LRRC7: variants seen among roughly 807,000 people sequenced by gnomAD.
LRRC7 encodes the protein leucine-rich repeat-containing protein 7.
A neutral mutation model predicts 175.7 loss-of-function variants in LRRC7; 23 were observed. The observed-to-expected ratio is 0.13, with a 90% CI of 0.09 to 0.19. The LOEUF (loss-of-function observed/expected upper bound fraction) is 0.19, where lower values mean the gene tolerates loss of function less well. Ranked by LOEUF, LRRC7 falls within the 10% of genes least tolerant of loss-of-function variation. The probability of loss-of-function intolerance (pLI) is 1.00; values close to 1 mark genes in which losing one functional copy is unlikely to be tolerated. For synonymous variants in LRRC7, 685 were observed against 680.9 expected, an observed-to-expected ratio of 1.01 and a Z score of -0.09; for missense variants, 1,354 against 1,904.7, an observed-to-expected ratio of 0.71 and a Z score of 5.38.
Position 69,752,330 on chromosome 1 carries a change from C to T in LRRC7, c.101-7861C>T, listed in dbSNP as rs572207488. ...TTTGAAAAATGCAAGACTGTGCCAA[C>T]TAATGAGGACAGCCAGGATATTTGT... On this transcript the variant is annotated intron_variant, in intron 2 of 26. Coordinates refer to ENST00000651989, the MANE Select transcript of LRRC7 (RefSeq NM_001370785.2). Among the ~76,000 whole-genome samples the T allele has an allele frequency of 2.0e-5, 3 of 152,210 alleles. No individual in the cohort carries two copies. In the South Asian group the frequency reaches 6.2e-4, roughly 32 times the overall value.
At chr1:69,896,409 C>G (rs992475483) in intron 7 of LRRC7, among the ~76,000 whole-genome samples, 3 of 152,116 alleles carry the variant, frequency 2.0e-5, no homozygotes, top group Non-Finnish European at 4.4e-5. Flanking sequence ...TTCTATCAAA[C>G]TATATATTTG....
intron 2 of LRRC7, among the ~76,000 whole-genome samples, chr1:69,719,839 G>T (rs1666160379): frequency 6.6e-6 from 1 of 151,470 alleles, no homozygotes. Context: ...ATTATTTATG[G>T]ATTGATCACT....
chr1:69,779,208 G>A (rs374254072), intron 3 of LRRC7, among the ~76,000 whole-genome samples: 1 of 151,870 alleles, frequency 6.6e-6, no homozygotes, highest in Non-Finnish European at 1.5e-5. Context: ...TACTAAAAAA[G>A]CAACAAAAGG....
intron 3 of LRRC7, among the ~76,000 whole-genome samples, chr1:69,786,341 T>C (rs147045707): frequency 1.6e-4 from 24 of 152,238 alleles, no homozygotes; most frequent in Non-Finnish European, 3.4e-4. Context: ...TCTCTCTGTC[T>C]TTTTATTATT....
intron 5 of LRRC7, among the ~76,000 whole-genome samples, chr1:69,828,787 C>G (rs1680214108): frequency 6.6e-6 from 1 of 151,894 alleles, no homozygotes; most frequent in Non-Finnish European, 1.5e-5. Context: ...AAATGCCTTT[C>G]CAGCTAGAAT....
At chr1:69,711,455 C>T (rs973536534) in intron 2 of LRRC7, among the ~76,000 whole-genome samples, 8 of 152,180 alleles carry the variant, frequency 5.3e-5, no homozygotes, top group Non-Finnish European at 1.2e-4. Context: ...TGTTTCAAAG[C>T]ATCCTTGACA....
intron 8 of LRRC7, among the ~76,000 whole-genome samples, chr1:69,977,438 C>T (rs1652936716): frequency 6.6e-6 from 1 of 152,108 alleles, no homozygotes; most frequent in Admixed American, 6.6e-5. Flanking sequence ...TAGTATAATG[C>T]CTAGCACTTA....
intron 7 of LRRC7, 50 bp from the exon 8 acceptor site, chr1:69,931,457 C>T: frequency 2.1e-6 from 3 of 1,437,394 alleles, no homozygotes; most frequent in Non-Finnish European, 2.9e-6. Context: ...TCTTTTAGAG[C>T]AATGTATCAT....
intron 8 of LRRC7, among the ~76,000 whole-genome samples, chr1:69,970,307 C>A (rs562270371): frequency 6.6e-4 from 100 of 151,582 alleles, no homozygotes; most frequent in Non-Finnish European, 8.0e-4. Flanking sequence ...AAAATTGAAA[C>A]CAAAAAAATA....
chr1:69,639,812 A>T (rs545314576), intron 1 of LRRC7, among the ~76,000 whole-genome samples: 1 of 151,972 alleles, frequency 6.6e-6, no homozygotes, highest in Non-Finnish European at 1.5e-5. Context: ...CAAATGCAAA[A>T]ACCAATATTA....
At chr1:70,078,661 C>T (rs1662959378) in intron 24 of LRRC7, among the ~76,000 whole-genome samples, 1 of 152,120 alleles carries the variant, frequency 6.6e-6, no homozygotes, top group Non-Finnish European at 1.5e-5. Flanking sequence ...TGTTTATTAG[C>T]CACTTGTCCT....
At chr1:69,705,094 C>T (rs1230549449) in intron 2 of LRRC7, among the ~76,000 whole-genome samples, 1 of 151,942 alleles carries the variant, frequency 6.6e-6, no homozygotes, top group African/African-American at 2.4e-5. Flanking sequence ...TAAACTTTCC[C>T]AAGATTAGAA....
chr1:69,696,589 T>A (rs1185123464), intron 2 of LRRC7, among the ~76,000 whole-genome samples: 1 of 151,676 alleles, frequency 6.6e-6, no homozygotes, highest in Non-Finnish European at 1.5e-5. Flanking sequence ...ATGGCTTAGA[T>A]ATTTTCTCCC....
intron 25 of LRRC7, among the ~76,000 whole-genome samples, chr1:70,091,742 CT>C (rs1428102819): frequency 6.6e-6 from 1 of 152,102 alleles, no homozygotes; most frequent in African/African-American, 2.4e-5. Context: ...TGAACTATGT[CT>C]ATGATCTTAT....
At chr1:69,878,690 C>T (rs1686269188) in intron 7 of LRRC7, among the ~76,000 whole-genome samples, 1 of 151,762 alleles carries the variant, frequency 6.6e-6, no homozygotes, top group African/African-American at 2.4e-5. Flanking sequence ...TTTGTGTGAT[C>T]TACTAGTTAC....
intron 2 of LRRC7, among the ~76,000 whole-genome samples, chr1:69,727,091 T>A (rs1667061636): frequency 6.6e-6 from 1 of 152,184 alleles, no homozygotes; most frequent in South Asian, 2.1e-4. Context: ...CCTTCAGTAT[T>A]GTGCCAAAAT....
chr1:69,729,037 G>A (rs1166310492), intron 2 of LRRC7, among the ~76,000 whole-genome samples: 1 of 152,124 alleles, frequency 6.6e-6, no homozygotes, highest in Non-Finnish European at 1.5e-5. Context: ...GCGAAAGGCA[G>A]GGAAAGCCCC....
intron 15 of LRRC7, 103 bp downstream of exon 15, chr1:70,018,921 C>A: frequency 1.3e-6 from 1 of 748,694 alleles, no homozygotes. Context: ...CATGGACAAG[C>A]TTATAAAGAT....
In LRRC7 at chr1:70,127,295, T is replaced by G. The variant is rs1666490558; in HGVS notation, c.*5408T>G. ...AATCTTCCTTACTTTCAACACTGCC[T>G]GCAAGAGAATGGTTTGGAAACACTC... is the stretch of plus-strand genomic sequence containing the variant. On this transcript the variant is annotated 3_prime_UTR_variant, in exon 27 of 27. Coordinates refer to ENST00000651989, the MANE Select transcript of LRRC7 (RefSeq NM_001370785.2). Among the ~76,000 whole-genome samples the G allele has an allele frequency of 6.6e-6, 1 of 152,224 alleles. No homozygotes were observed. Among genetic ancestry groups the G allele is most frequent in the Non-Finnish European group, 1.5e-5 (1 of 68,038 alleles).
Sources: gnomAD v4.1 joint callset for allele counts (sites outside exome capture counted in the v4.1 genomes callset) on GRCh38, gnomAD v4.1.1 for gene constraint, MANE v1.5 for transcripts, NCBI Gene and HGNC (gene_info 2026-07-23, HGNC 2026-07-21) for gene names.